Variants in MROH2A observed in about 807,000 individuals in gnomAD.
The protein encoded by MROH2A is maestro heat like repeat family member 2A.
Under a neutral mutation model 200.4 loss-of-function variants are expected in MROH2A, and 174 were observed. The ratio of observed to expected loss-of-function variants is 0.87; its 90% CI spans 0.77 to 0.98. MROH2A has a LOEUF of 0.98. Among genes scored for constraint, MROH2A ranks in the 50% least tolerant of loss-of-function variants. MROH2A has a pLI of 0.00. For synonymous variants in MROH2A, 829 were observed against 840.4 expected, an observed-to-expected ratio of 0.99 and a Z score of 0.23; for missense variants, 2,045 against 2,139.6, an observed-to-expected ratio of 0.96 and a Z score of 0.87.
In MROH2A at chr2:233,804,475, C is replaced by T. The variant is rs987915179; in HGVS notation, c.1892-20C>T. 7.1e-5 allele frequency: 110 copies of T among 1,550,638 alleles called. No homozygotes were observed. Among genetic ancestry groups the T allele is most frequent in the Non-Finnish European group, 9.1e-5 (104 of 1,146,754 alleles). ...CAGTGGAAGAAAGTGGCATGTGTGA[C>T]CATACATGTGTTCCTGCAGAACATA... is the stretch of plus-strand genomic sequence containing the variant. On this transcript the variant is annotated intron_variant, in intron 17 of 41. Coordinates refer to ENST00000389758, the MANE Select transcript of MROH2A (RefSeq NM_001394639.1).
chr2:233,778,729 G>T (rs1170942744), intron 1 of MROH2A, among the ~76,000 whole-genome samples: 1 of 152,196 alleles, frequency 6.6e-6, no homozygotes, highest in African/African-American at 2.4e-5. Flanking sequence ...TTTCTCATTA[G>T]CCATTAATTA....
chr2:233,791,756 C>T (rs1701777298), intron 5 of MROH2A, among the ~76,000 whole-genome samples: 1 of 152,100 alleles, frequency 6.6e-6, no homozygotes, highest in South Asian at 2.1e-4. Flanking sequence ...CCGTGATGCC[C>T]ATCCTGCCAA....
intron 38 of MROH2A, among the ~76,000 whole-genome samples, chr2:233,830,787 C>T (rs543879935): frequency 4.9e-4 from 74 of 152,336 alleles, no homozygotes; most frequent in Non-Finnish European, 8.1e-4. Flanking sequence ...TCCCTGGCCA[C>T]CCTGGGCACA....
chr2:233,792,827 C>T lies in MROH2A; in HGVS notation c.603C>T (p.Thr201=), dbSNP rs2126108573. The part of the protein sequence containing the change: ...VFEFMPYMGI[T]LATIFTMLRL... ...AGTTCATGCCATACATGGGCATCAC[C>T]CTGGCTACCATATTCACCATGCTGA... Residue 201 remains threonine, a synonymous_variant, in exon 6 of 42, where the codon ACC becomes ACT. Transcript: ENST00000389758. 1.9e-6 allele frequency: 3 copies of T among 1,550,414 alleles called. No homozygotes were observed. The highest frequency in any genetic ancestry group is 2.6e-6 in the Non-Finnish European group (3 of 1,146,844).
intron 8 of MROH2A, among the ~76,000 whole-genome samples, chr2:233,795,388 A>G (rs1702039237): frequency 6.6e-6 from 1 of 152,196 alleles, no homozygotes; most frequent in Non-Finnish European, 1.5e-5. Flanking sequence ...TTCACTTTTA[A>G]GTGAAGGAGG....
rs1702897463 is a variant in MROH2A, at chr2:233,807,745, T to G, written c.2185T>G (p.Cys729Gly). The change falls in exon 21 of 42, where the codon TGC becomes GGC. Residue 729 changes from cysteine to glycine, a missense_variant. By Grantham distance (159) the Cys-to-Gly change is radical (BLOSUM62 -3). This residue lies in a region of MROH2A where 1,201 missense variants were observed against 1,311.3 expected (regional missense o/e 0.92). Coordinates refer to ENST00000389758, the MANE Select transcript of MROH2A (RefSeq NM_001394639.1). The surrounding 1 kb of genome is among the most constrained non-coding windows in gnomAD (Gnocchi z 4.3). ...GGTCTCCCTGCAGGGTGTGATTATG[T>G]GCTTTGGCCTGTGTGCCCGGGGCCA... is the stretch of plus-strand genomic sequence containing the variant. ...NDFDSEGVIM[C>G]FGLCARGQVK... 1 of 1,550,594 alleles carries G rather than the reference T, an allele frequency of 6.4e-7. No homozygotes were observed. The highest frequency in any genetic ancestry group is 2.0e-5 in the Admixed American group (1 of 50,992).
Position 233,804,182 on chromosome 2 carries a change from G to A in MROH2A, c.1881G>A (p.Arg627=). 1 of 1,550,492 alleles carries A rather than the reference G, an allele frequency of 6.4e-7. No individual in the cohort carries two copies. The highest frequency in any genetic ancestry group is 8.7e-7 in the Non-Finnish European group (1 of 1,146,966). ...AGCTGGAGATTGCGCTACTGGTCCGGTACCTGGAAGGTGAGGTTCCTGGGG... is the reference window on the plus strand; with the variant it reads ...AGCTGGAGATTGCGCTACTGGTCCGATACCTGGAAGGTGAGGTTCCTGGGG... ...MWELEIALLV[R]YLEEHTEFTW... is the part of the protein sequence containing the mutation. Residue 627 remains arginine, a synonymous_variant, in exon 17 of 42, where the codon CGG becomes CGA. Transcript: ENST00000389758.
At chr2:233,821,780 C>G (rs1703951488) in intron 31 of MROH2A, among the ~76,000 whole-genome samples, 1 of 152,038 alleles carries the variant, frequency 6.6e-6, no homozygotes, top group African/African-American at 2.4e-5. Context: ...TACCGACAAC[C>G]AACCTGATGC....
intron 41 of MROH2A, 98 bp from the exon 42 acceptor site, chr2:233,833,040 C>T: frequency 7.1e-7 from 1 of 1,412,940 alleles, no homozygotes; most frequent in South Asian, 1.5e-5. Flanking sequence ...CCCCTGCCCA[C>T]CTTCTGCGGC....
At chr2:233,786,005 G>A (rs902668227) in intron 3 of MROH2A, among the ~76,000 whole-genome samples, 4 of 152,132 alleles carry the variant, frequency 2.6e-5, no homozygotes, top group South Asian at 4.1e-4. Context: ...GTTGTGGGAC[G>A]GAACAATTGG....
chr2:233,784,077 A>T (rs1204535273), intron 3 of MROH2A, among the ~76,000 whole-genome samples: 1 of 151,428 alleles, frequency 6.6e-6, no homozygotes, highest in East Asian at 1.9e-4. Context: ...CCCTTCTTTA[A>T]ATTTTGGGTT....
chr2:233,829,585 G>A (rs781570870), intron 37 of MROH2A, 35 bp from the exon 38 acceptor site: 41 of 1,360,714 alleles, frequency 3.0e-5, no homozygotes, highest in Non-Finnish European at 3.9e-5. Flanking sequence ...GCTTCCTGCT[G>A]CCTGCATGTC....
chr2:233,804,550 A>G lies in MROH2A; in HGVS notation c.1944+3A>G. On this transcript the variant is annotated splice_donor_region_variant and intron_variant, in intron 18 of 41. Transcript: ENST00000389758. ...CCTGGGAAGACAAGCTGATTCAGGT[A>G]AACGGGTAACAAGTTTGCTGAGGCC... 6.4e-7 allele frequency: 1 copy of G among 1,551,288 alleles called. No individual in the cohort carries two copies. Among genetic ancestry groups the G allele is most frequent in the Non-Finnish European group, 8.7e-7 (1 of 1,147,124 alleles).
Position 233,828,409 on chromosome 2 carries a change from A to C in MROH2A, c.4114-221A>C. On this transcript the variant is annotated intron_variant, in intron 35 of 41. Transcript: ENST00000389758. This position sits in a 1 kb window ranked among gnomAD's most constrained non-coding sequence, Gnocchi z 4.6. ...GAATTTATATATATACGTAACACTT[A>C]TCTAGCATTCCCCCCATATTTCCTT... 1.8e-6 allele frequency: 1 copy of C among 545,004 alleles called. No homozygotes were observed. The allele number at this position is 545,004 out of a possible 1,614,324, so 33.8% of individuals were successfully genotyped here. A position where few individuals can be genotyped will look rare whatever the true frequency, so the allele number is the denominator to read the frequency against.
chr2:233,811,608 G>A (rs541079714), intron 23 of MROH2A, among the ~76,000 whole-genome samples: 1 of 152,374 alleles, frequency 6.6e-6, no homozygotes, highest in East Asian at 1.9e-4. Context: ...TACAGAGAAG[G>A]GGACTTGGGC....
rs1445079106 is a variant in MROH2A, at chr2:233,789,917, C to T, written c.474C>T (p.Phe158=). ...DTLVALSRNH[F]SLVMYELQHH... is the part of the protein sequence containing the mutation. ...TGGTGGCTCTGTCCCGAAACCACTT[C>T]AGCTTGGTCATGTACGAGCTGCAGC... Residue 158 remains phenylalanine (F), a synonymous_variant, in exon 5 of 42, where the codon TTC becomes TTT. Transcript: ENST00000389758. The T allele has an allele frequency of 6.5e-7, 1 of 1,550,384 alleles. No homozygotes were observed. Among genetic ancestry groups the T allele is most frequent in the Non-Finnish European group, 8.7e-7 (1 of 1,146,938 alleles).
chr2:233,818,354 A>C lies in MROH2A; in HGVS notation c.3085+229A>C, dbSNP rs553920847. On this transcript the variant is annotated intron_variant, in intron 28 of 41. Transcript: ENST00000389758. ...TAGCCCAGATTGACCCATGGAGGGC[A>C]TGTGCTGGGCACTGAGGGCCTGGCT... Among the ~76,000 whole-genome samples the C allele has an allele frequency of 4.1e-3, 627 of 152,302 alleles. 3 individuals carry two copies. Among genetic ancestry groups the C allele is most frequent in the Non-Finnish European group, 6.7e-3 (456 of 68,028 alleles).
intron 8 of MROH2A, among the ~76,000 whole-genome samples, chr2:233,795,374 G>A (rs1439345403): frequency 6.6e-6 from 1 of 152,166 alleles, no homozygotes; most frequent in African/African-American, 2.4e-5. Context: ...GCTAAATAAT[G>A]GGATTCACTT....
At chr2:233,805,162 G>T in intron 19 of MROH2A, 51 bp downstream of exon 19, 1 of 1,254,326 alleles carries the variant, frequency 8.0e-7, no homozygotes, top group South Asian at 1.3e-5. Context: ...GACTCCAGGG[G>T]TGAGGGAGTG....
Sources: allele counts gnomAD v4.1 joint callset (sites outside exome capture counted in the v4.1 genomes callset), GRCh38; gene constraint gnomAD v4.1.1; regional missense constraint gnomAD v4.1.1; non-coding constraint Gnocchi (gnomAD v3.1); transcripts MANE v1.5; gene names NCBI Gene and HGNC (gene_info 2026-07-23, HGNC 2026-07-21).